The following MYO16 variants were observed in gnomAD, a reference collection of about 807,000 sequenced individuals.
MYO16 encodes the protein myosin XVI.
In MYO16, 94 loss-of-function variants were observed where a neutral mutation model predicts 205.3. The observed-to-expected ratio is 0.46, with a 90% CI of 0.39 to 0.54. MYO16 has a LOEUF of 0.54. Ranked by LOEUF, MYO16 falls within the 20% of genes least tolerant of loss-of-function variation. The pLI, the probability that MYO16 is intolerant of heterozygous loss-of-function variation, is 0.00. For missense variants in MYO16, 2,315 were observed against 2,387.5 expected (o/e 0.97, Z 0.63); for synonymous variants, 988 against 954.0 (o/e 1.04, Z -0.66).
chr13:108,923,867 T>C lies in MYO16; in HGVS notation c.1925+13717T>C, dbSNP rs115569614. 8.4e-3 allele frequency among the ~76,000 whole-genome samples: 1,272 copies of C among 152,308 alleles called. 15 individuals carry two copies. The highest frequency in any genetic ancestry group is 0.029 in the African/African-American group (1,217 of 41,566). ...GCATTTTACATGAATTATTCTTAGA[T>C]CAGCATTTTTTCCCAGCCAGCATTT... On this transcript the variant is annotated intron_variant, in intron 16 of 34. Transcript: ENST00000457511.
chr13:109,079,533 G>C (rs554305469), intron 27 of MYO16, among the ~76,000 whole-genome samples: 1 of 152,256 alleles, frequency 6.6e-6, no homozygotes, highest in Admixed American at 6.5e-5. Flanking sequence ...CAAATACCAT[G>C]TGTTACCGCT....
chr13:109,078,896 C>A (rs1888197814), intron 27 of MYO16, among the ~76,000 whole-genome samples: 1 of 152,078 alleles, frequency 6.6e-6, no homozygotes, highest in Admixed American at 6.6e-5. Context: ...GGGGATGGTT[C>A]CCTCTAATCC....
chr13:108,730,416 A>G lies in MYO16; in HGVS notation c.507+2833A>G, dbSNP rs1449862980. ...GGTATTTCTTCATAGCAGCGTGAGA[A>G]CAGGCTAATACAGCATAATTGTCAG... On this transcript the variant is annotated intron_variant, in intron 4 of 34. Coordinates refer to ENST00000457511, the MANE Select transcript of MYO16 (RefSeq NM_001198950.3). Among the ~76,000 whole-genome samples the G allele has an allele frequency of 2.0e-5, 3 of 152,198 alleles. 1 individual carries two copies. Among genetic ancestry groups the G allele is most frequent in the African/African-American group, 2.4e-5 (1 of 41,450 alleles).
At chr13:109,077,008 TGGAGA>T (rs1888130241) in intron 27 of MYO16, among the ~76,000 whole-genome samples, 3 of 143,360 alleles carry the variant, frequency 2.1e-5, no homozygotes, top group Non-Finnish European at 4.6e-5. Context: ...TTTTTTTTTT[TGGAGA>T]TGGAGTCTCG....
chr13:109,123,298 G>A (rs76648169), intron 29 of MYO16, among the ~76,000 whole-genome samples: 2,037 of 152,284 alleles, frequency 0.013, 45 homozygotes, highest in African/African-American at 0.046. Context: ...AATAGACTCC[G>A]GGTGAAAGTG....
chr13:108,911,067 A>ACACACACT (rs1881241137), intron 16 of MYO16, among the ~76,000 whole-genome samples: 1 of 46,630 alleles, frequency 2.1e-5, no homozygotes. Context: ...ACACACACAC[A>ACACACACT]GAGAGAGAGA....
intron 16 of MYO16, among the ~76,000 whole-genome samples, chr13:108,923,143 G>A (rs545295611): frequency 2.6e-5 from 4 of 152,314 alleles, no homozygotes; most frequent in South Asian, 4.1e-4. Flanking sequence ...AAGGACAGGA[G>A]CACCTAGAGT....
chr13:108,519,507 A>G, the MYO16 span, among the ~76,000 whole-genome samples: 1 of 151,992 alleles, frequency 6.6e-6, no homozygotes, highest in Non-Finnish European at 1.5e-5. Flanking sequence ...TGATTCTGTA[A>G]AAGTACTGCA....
intron 2 of MYO16, among the ~76,000 whole-genome samples, chr13:108,697,872 A>C (rs1883149247): frequency 6.6e-6 from 1 of 151,958 alleles, no homozygotes; most frequent in East Asian, 1.9e-4. Flanking sequence ...ACAGGCGTGC[A>C]CCACCACACC....
At chr13:108,557,767 G>T in the MYO16 span, among the ~76,000 whole-genome samples, 1 of 152,002 alleles carries the variant, frequency 6.6e-6, no homozygotes, top group South Asian at 2.1e-4. Context: ...TCAAAAGAAA[G>T]AATTGAAATA....
intron 4 of MYO16, 69 bp downstream of exon 4, chr13:108,727,652 T>C: frequency 1.3e-6 from 2 of 1,511,082 alleles, no homozygotes; most frequent in South Asian, 1.3e-5. Flanking sequence ...ATTTAACTAA[T>C]GCTATTTTAC....
intron 4 of MYO16, among the ~76,000 whole-genome samples, chr13:108,780,537 G>T (rs956459557): frequency 1.3e-5 from 2 of 152,084 alleles, no homozygotes; most frequent in African/African-American, 4.8e-5. Flanking sequence ...AATGATTGAA[G>T]GTAGGTAAGG....
chr13:108,553,887 C>T, the MYO16 span, among the ~76,000 whole-genome samples: 4 of 152,246 alleles, frequency 2.6e-5, no homozygotes, highest in South Asian at 2.1e-4. Context: ...GCTGCCGATG[C>T]GAGTGCCCCA....
chr13:108,890,441 G>A (rs775206709), intron 14 of MYO16, among the ~76,000 whole-genome samples: 13 of 152,114 alleles, frequency 8.5e-5, no homozygotes, highest in Non-Finnish European at 1.6e-4. Flanking sequence ...GTGGCAGGCC[G>A]TGGTTGATAG....
intron 33 of MYO16, among the ~76,000 whole-genome samples, chr13:109,169,985 A>G (rs1418207431): frequency 1.3e-5 from 2 of 152,228 alleles, no homozygotes; most frequent in Non-Finnish European, 2.9e-5. Context: ...TACACACAAC[A>G]ATTCCTGATA....
the MYO16 span, among the ~76,000 whole-genome samples, chr13:108,559,634 C>T: frequency 9.9e-5 from 15 of 151,690 alleles, no homozygotes; most frequent in Admixed American, 1.3e-4. Context: ...CCACCACGCC[C>T]GGCTAATTTT....
chr13:108,927,674 A>G (rs1882071356), intron 16 of MYO16, among the ~76,000 whole-genome samples: 1 of 152,266 alleles, frequency 6.6e-6, no homozygotes, highest in Non-Finnish European at 1.5e-5. Flanking sequence ...GCAGCGTGTG[A>G]AAATGCCAAG....
chr13:108,639,671 A>C (rs1471453971), intron 1 of MYO16, among the ~76,000 whole-genome samples: 2 of 152,232 alleles, frequency 1.3e-5, no homozygotes, highest in Non-Finnish European at 1.5e-5. Context: ...GTGGAAAGTA[A>C]AGATTTGTGT....
intron 12 of MYO16, among the ~76,000 whole-genome samples, chr13:108,867,501 G>A (rs196166): frequency 0.47 from 71,015 of 151,992 alleles, 16,907 homozygotes; most frequent in African/African-American, 0.54. Context: ...CTAAGGGTGT[G>A]TGTGAGCATG....
Sources: gnomAD v4.1 joint callset for allele counts (sites outside exome capture counted in the v4.1 genomes callset) on GRCh38, gnomAD v4.1.1 for gene constraint, MANE v1.5 for transcripts, NCBI Gene and HGNC (gene_info 2026-07-23, HGNC 2026-07-21) for gene names.